Variants in DNAH10 observed in about 807,000 individuals in gnomAD.
The protein encoded by DNAH10 is axonemal beta dynein heavy chain 10.
DNAH10 carries 348 observed loss-of-function variants against 506.6 expected under a neutral mutation model. The observed-to-expected ratio is 0.69, with a 90% CI of 0.63 to 0.75. The LOEUF is 0.75. Among genes scored for constraint, DNAH10 ranks in the 30% least tolerant of loss-of-function variants. The pLI, the probability that DNAH10 is intolerant of heterozygous loss-of-function variation, is 0.00. For synonymous variants in DNAH10, 2,059 were observed against 2,198.6 expected, an observed-to-expected ratio of 0.94 and a Z score of 1.78; for missense variants, 5,179 against 5,787.1, an observed-to-expected ratio of 0.89 and a Z score of 3.41.
chr12:123,766,104 ATCTGTCTG>A (rs35219092), intron 1 of DNAH10, among the ~76,000 whole-genome samples: 45 of 151,046 alleles, frequency 3.0e-4, no homozygotes, highest in African/African-American at 7.1e-4. Flanking sequence ...CTATCTATAC[ATCTGTCTG>A]TCTATCTATC....
In DNAH10 at chr12:123,785,833, C is replaced by G. The variant is rs200542157; in HGVS notation, c.1318C>G (p.Arg440Gly). The G allele has an allele frequency of 6.2e-7, 1 of 1,614,052 alleles. No individual in the cohort carries two copies. Among genetic ancestry groups the G allele is most frequent in the South Asian group, 1.1e-5 (1 of 91,074 alleles). The change falls in exon 9 of 79, where the codon CGA becomes GGA. Residue 440 changes from arginine to glycine, a missense_variant. Arg to Gly is a moderately radical substitution (Grantham distance 125). Transcript: ENST00000673944. The surrounding 1 kb of genome is among the most constrained non-coding windows in gnomAD (Gnocchi z 4.1). Reference sequence around the variant, plus strand: ...CCTGCGGATGGTGTGGATCATCTCCCGACACTACAACAAAGACGAGAGGAT... The same window carrying G: ...CCTGCGGATGGTGTGGATCATCTCCGGACACTACAACAAAGACGAGAGGAT... ...SALRMVWIIS[R>G]HYNKDERMIP...
At chr12:123,845,462 A>G (rs1302173501) in intron 30 of DNAH10, 138 bp from the exon 31 acceptor site, 8 of 1,175,186 alleles carry the variant, frequency 6.8e-6, no homozygotes, top group Non-Finnish European at 9.3e-6. Context: ...TAGGTAAACA[A>G]ATACAGGCAC....
intron 39 of DNAH10, among the ~76,000 whole-genome samples, chr12:123,861,947 C>T (rs372424510): frequency 1.3e-5 from 2 of 152,150 alleles, no homozygotes; most frequent in African/African-American, 4.8e-5. Context: ...TTGAGCAGTT[C>T]GTCAGGATTT....
chr12:123,770,974 CTT>C (rs33920942), intron 2 of DNAH10, among the ~76,000 whole-genome samples: 11 of 126,398 alleles, frequency 8.7e-5, no homozygotes, highest in Non-Finnish European at 6.4e-5. Flanking sequence ...AGCTGTAATT[CTT>C]TTTTTTTTTT....
In DNAH10 at chr12:123,840,410, T is replaced by G. The variant is rs1162826711; in HGVS notation, c.5137-912T>G. Among the ~76,000 whole-genome samples the G allele has an allele frequency of 2.3e-4, 32 of 141,086 alleles. No homozygotes were observed. In the South Asian group the frequency reaches 6.3e-3, roughly 28 times the overall value. 92.6% of individuals were successfully genotyped at this position (141,086 alleles called of 152,430 possible). ...CTGTTTCCAGTTTTTTTTTTTTTTT[T>G]TTTTTTTTTTTTCAGACAGGGCGTT... On this transcript the variant is annotated intron_variant, in intron 29 of 78. Transcript: ENST00000673944.
chr12:123,930,570 G>A lies in DNAH10; in HGVS notation c.12781G>A (p.Val4261Ile), dbSNP rs759758233. The A allele has an allele frequency of 1.2e-6, 2 of 1,605,362 alleles. No individual in the cohort carries two copies. The highest frequency in any genetic ancestry group is 4.5e-5 in the East Asian group (2 of 44,718). Residue 4261 changes from valine (V) to isoleucine (I), a missense_variant, in exon 73 of 79, where the codon GTT (valine) becomes ATT (isoleucine). Physicochemically the swap from Val to Ile is conservative, Grantham distance 29. Transcript: ENST00000673944. ...IPVGDEKEKF[V>I]EAIEALPLAN... ...TGTTGGTGATGAAAAGGAGAAATTT[G>A]TTGGTGAGATTTCTCAGACATGAAA...
intron 1 of DNAH10, among the ~76,000 whole-genome samples, chr12:123,766,287 G>GCCTACCTACCTACCTA (rs146604271): frequency 0.037 from 5,531 of 150,566 alleles, 247 homozygotes; most frequent in African/African-American, 0.093. Context: ...CAATTAATCA[G>GCCTACCTACCTACCTA]CCTACCTACC....
intron 36 of DNAH10, among the ~76,000 whole-genome samples, chr12:123,855,633 C>CA (rs34517744): frequency 0.19 from 19,743 of 101,372 alleles, 1,733 homozygotes; most frequent in South Asian, 0.33. Context: ...GACCCTGTCT[C>CA]AAAAAAAAAA....
rs1257940968 is a variant in DNAH10, at chr12:123,928,309, G to T, written c.12106-78G>T. On this transcript the variant is annotated intron_variant, in intron 69 of 78. Coordinates refer to ENST00000673944, the MANE Select transcript of DNAH10 (RefSeq NM_001372106.1). The surrounding 1 kb of genome is among the most constrained non-coding windows in gnomAD (Gnocchi z 4.9). ...TGGAGCTGCCATCGCCCTTCTGTGG[G>T]TGTGGAGTGGGTCTCTGGAGAGCAC... is the stretch of plus-strand genomic sequence containing the variant. 4 of 1,473,596 alleles carry T rather than the reference G, an allele frequency of 2.7e-6. No homozygotes were observed. 91.3% of individuals were successfully genotyped at this position (1,473,596 alleles called of 1,614,324 possible). A position where few individuals can be genotyped will look rare whatever the true frequency, so the allele number is the denominator to read the frequency against.
rs372401172 is a variant in DNAH10, at chr12:123,845,780, G to A, written c.5541G>A (p.Pro1847=). The A allele has an allele frequency of 1.4e-5, 23 of 1,613,852 alleles. No individual in the cohort carries two copies. Among genetic ancestry groups the A allele is most frequent in the Admixed American group, 6.7e-5 (4 of 60,000 alleles). The change falls in exon 31 of 79, where the codon CCG becomes CCA. Residue 1847 remains proline, a synonymous_variant. Transcript: ENST00000673944. Reference sequence around the variant, plus strand: ...AGTTGGTAACGCGCATCACCATGCCGCTAAGCAAAAACGACAGGAAAAAAT... The same window carrying A: ...AGTTGGTAACGCGCATCACCATGCCACTAAGCAAAAACGACAGGAAAAAAT... ...IDELVTRITM[P]LSKNDRKKYN...
chr12:123,796,032 A>T (rs1018884162), intron 12 of DNAH10, among the ~76,000 whole-genome samples: 3 of 152,184 alleles, frequency 2.0e-5, no homozygotes, highest in Non-Finnish European at 2.9e-5. Flanking sequence ...ATTAAAAAAA[A>T]ACCAAAGGTC....
intron 4 of DNAH10, 53 bp downstream of exon 4, chr12:123,772,995 A>G: frequency 4.0e-6 from 5 of 1,251,846 alleles, no homozygotes; most frequent in South Asian, 1.3e-5. Flanking sequence ...GTGGTTGTGC[A>G]TGCACTTGTT....
chr12:123,929,161 T>C, intron 70 of DNAH10, 114 bp from the exon 71 acceptor site: 3 of 1,112,160 alleles, frequency 2.7e-6, no homozygotes, highest in Admixed American at 2.1e-5. Context: ...ATTGGAGGTC[T>C]CAGACAGATG....
chr12:123,846,254 G>A lies in DNAH10; in HGVS notation c.5814+100G>A. On this transcript the variant is annotated intron_variant, in intron 32 of 78. Transcript: ENST00000673944. This position sits in a 1 kb window ranked among gnomAD's most constrained non-coding sequence, Gnocchi z 4.5. ...GACTGCAGTGATTGAAATAGCAGGG[G>A]AGATCATTGCTTTGAAATCTCGAAA... 4.4e-6 allele frequency: 6 copies of A among 1,358,486 alleles called. No individual in the cohort carries two copies. Among genetic ancestry groups the A allele is most frequent in the Non-Finnish European group, 5.9e-6 (6 of 1,014,972 alleles). 84.2% of individuals were successfully genotyped at this position (1,358,486 alleles called of 1,614,324 possible).
Position 123,767,598 on chromosome 12 carries a change from C to T in DNAH10, c.215-8C>T. 6.2e-7 allele frequency: 1 copy of T among 1,608,522 alleles called. No individual in the cohort carries two copies. The highest frequency in any genetic ancestry group is 8.5e-7 in the Non-Finnish European group (1 of 1,176,278). The stretch of plus-strand genomic sequence containing the variant: ...TAATATTTTCTTCCCATTTATGTGG[C>T]CATAAAGATGAGATACCTGTCCTGT... On this transcript the variant is annotated splice_region_variant and splice_polypyrimidine_tract_variant and intron_variant, in intron 1 of 78. Transcript: ENST00000673944.
At chr12:123,817,111 T>C (rs1028945796) in intron 21 of DNAH10, among the ~76,000 whole-genome samples, 3 of 151,414 alleles carry the variant, frequency 2.0e-5, no homozygotes, top group African/African-American at 7.3e-5. Flanking sequence ...TTTTTTTTTT[T>C]TTTTTTTTTG....
Position 123,847,703 on chromosome 12 carries a change from G to T in DNAH10, c.5815-258G>T, listed in dbSNP as rs139721359. The stretch of plus-strand genomic sequence containing the variant: ...CTGTTCAGTCTTTAATGGATTAGAT[G>T]AGGCCCACCCACTTTGGGGAGGGTC... On this transcript the variant is annotated intron_variant, in intron 32 of 78. Coordinates refer to ENST00000673944, the MANE Select transcript of DNAH10 (RefSeq NM_001372106.1). Among the ~76,000 whole-genome samples the T allele has an allele frequency of 1.2e-3, 176 of 152,228 alleles. 1 individual carries two copies. The highest frequency in any genetic ancestry group is 4.0e-3 in the African/African-American group (167 of 41,528).
At position 123,899,106 on chromosome 12, in the gene DNAH10, G is replaced by A. The variant is rs537358034; in HGVS notation, c.9640+292G>A. The stretch of plus-strand genomic sequence containing the variant: ...GTTCAGGGGAGTGGAAAAGTCACTC[G>A]ACCCTCTATGGGCTGGTGAACTAAG... On this transcript the variant is annotated intron_variant, in intron 56 of 78. Transcript: ENST00000673944. Among the ~76,000 whole-genome samples the A allele has an allele frequency of 3.9e-5, 6 of 152,272 alleles. No homozygotes were observed. In the South Asian group the frequency reaches 1.0e-3, roughly 26 times the overall value.
rs995378362 is a variant in DNAH10 at position 123,785,719 on chromosome 12, T to C, written c.1231-27T>C. 5.8e-6 allele frequency: 9 copies of C among 1,539,620 alleles called. No individual in the cohort carries two copies. Among genetic ancestry groups the C allele is most frequent in the Non-Finnish European group, 7.1e-6 (8 of 1,132,642 alleles). ...TTTGGACCCCAAGGCTAAGGGCTCT[T>C]GCGTGGCTCTCTCCTCTCTTGGTCA... On this transcript the variant is annotated intron_variant, in intron 8 of 78. Transcript: ENST00000673944. The surrounding 1 kb of genome is among the most constrained non-coding windows in gnomAD (Gnocchi z 4.1).
Sources: gnomAD v4.1 joint callset for allele counts (sites outside exome capture counted in the v4.1 genomes callset) on GRCh38, gnomAD v4.1.1 for gene constraint, Gnocchi (gnomAD v3.1) non-coding constraint, MANE v1.5 for transcripts, NCBI Gene and HGNC (gene_info 2026-07-23, HGNC 2026-07-21) for gene names.